The following PAG1 variants were observed in gnomAD, a reference collection of about 807,000 sequenced individuals.
The protein encoded by PAG1 is phosphoprotein associated with glycosphingolipid-enriched microdomains 1.
Under a neutral mutation model 31.7 loss-of-function variants are expected in PAG1, and 23 were observed. The observed-to-expected ratio is 0.73, with a 90% CI of 0.52 to 1.03. PAG1 has a LOEUF of 1.03. Ranked by LOEUF, PAG1 falls within the 50% of genes least tolerant of loss-of-function variation. PAG1 has a pLI of 0.00. For synonymous variants in PAG1, 214 were observed against 210.3 expected, an observed-to-expected ratio of 1.02 and a Z score of -0.15; for missense variants, 473 against 540.7, an observed-to-expected ratio of 0.87 and a Z score of 1.24.
At chr8:80,981,585 A>G (rs1807301426) in intron 7 of PAG1, among the ~76,000 whole-genome samples, 1 of 152,016 alleles carries the variant, frequency 6.6e-6, no homozygotes, top group Non-Finnish European at 1.5e-5. Context: ...ATCAGAAGAA[A>G]TTTGTATCAA....
At chr8:81,005,529 T>C (rs1197495887) in intron 3 of PAG1, among the ~76,000 whole-genome samples, 1 of 152,168 alleles carries the variant, frequency 6.6e-6, no homozygotes, top group African/African-American at 2.4e-5. Flanking sequence ...TTTCAAAGGC[T>C]GCTAATACCT....
At position 80,975,548 on chromosome 8, in the gene PAG1, T is replaced by C. The variant is rs1461846929; in HGVS notation, c.*996A>G. The C allele has an allele frequency of 6.6e-6, 1 of 152,230 alleles. No homozygotes were observed. The highest frequency in any genetic ancestry group is 2.4e-5 in the African/African-American group (1 of 41,456). 9.4% of individuals were successfully genotyped at this position (152,230 alleles called of 1,614,324 possible). A position where few individuals can be genotyped will look rare whatever the true frequency, so the allele number is the denominator to read the frequency against. On this transcript the variant is annotated 3_prime_UTR_variant, in exon 9 of 9. Transcript: ENST00000220597. The stretch of plus-strand genomic sequence containing the variant: ...TTAGGGTAGCAGTTAACTTATGAGA[T>C]GCCACACTGTTGGTGTGGGCAGCGG...
chr8:80,980,574 T>C (rs1807279550), intron 7 of PAG1, 80 bp from the exon 8 acceptor site: 1 of 903,442 alleles, frequency 1.1e-6, no homozygotes, highest in African/African-American at 1.6e-5. Context: ...TTCCTCATAA[T>C]CTGTCTAGCA....
chr8:80,983,430 T>A (rs970232901), intron 7 of PAG1, among the ~76,000 whole-genome samples: 5 of 152,206 alleles, frequency 3.3e-5, no homozygotes, highest in African/African-American at 1.2e-4. Context: ...GGGCAGGGAT[T>A]TTGTTCATGT....
intron 1 of PAG1, among the ~76,000 whole-genome samples, chr8:81,095,017 G>A (rs1809503427): frequency 6.6e-6 from 1 of 152,210 alleles, no homozygotes; most frequent in Non-Finnish European, 1.5e-5. Context: ...TAAAGTGAAA[G>A]TACAGTCTTT....
intron 1 of PAG1, among the ~76,000 whole-genome samples, chr8:81,093,789 A>G (rs891218815): frequency 2.0e-5 from 3 of 152,178 alleles, no homozygotes; most frequent in African/African-American, 7.2e-5. Flanking sequence ...GATGAAAATA[A>G]CCTCAGGAAG....
intron 2 of PAG1, among the ~76,000 whole-genome samples, chr8:81,044,756 T>C (rs1187939764): frequency 6.6e-6 from 1 of 152,162 alleles, no homozygotes; most frequent in Non-Finnish European, 1.5e-5. Flanking sequence ...TCTTATCTGC[T>C]CACATCCAAA....
chr8:81,042,319 A>G (rs1244482343), intron 2 of PAG1, among the ~76,000 whole-genome samples: 1 of 152,220 alleles, frequency 6.6e-6, no homozygotes, highest in Non-Finnish European at 1.5e-5. Flanking sequence ...GTGAGGCTCA[A>G]ACGAGATAAT....
chr8:80,979,284 G>C (rs556396562), intron 8 of PAG1, among the ~76,000 whole-genome samples: 1 of 152,322 alleles, frequency 6.6e-6, no homozygotes, highest in Admixed American at 6.5e-5. Context: ...TTTGGCTGCA[G>C]AGTAGAAAAC....
intron 2 of PAG1, among the ~76,000 whole-genome samples, chr8:81,067,212 G>A (rs1267906679): frequency 2.0e-5 from 3 of 152,090 alleles, no homozygotes; most frequent in Admixed American, 6.5e-5. Flanking sequence ...AATTCTCAGG[G>A]AAAAGTACCA....
At position 80,976,641 on chromosome 8, in the gene PAG1, G is replaced by C. The variant is rs1195534738; in HGVS notation, c.1202C>G (p.Thr401Ser). The C allele has an allele frequency of 4.3e-6, 7 of 1,614,130 alleles. No individual in the cohort carries two copies. The highest frequency in any genetic ancestry group is 1.7e-4 in the Middle Eastern group (1 of 6,054). ...ACCGTGGTGGCCATTGGTCCCCAGG[G>C]TGGCCTTTTCTTCCTCTCTGTTGAG... Reference protein sequence around the residue: ...QTLNREEEKATLGTNGHHGLV... With the variant: ...QTLNREEEKASLGTNGHHGLV... The change falls in exon 9 of 9, where the codon ACC becomes AGC. Residue 401 changes from threonine to serine, a missense_variant. Coordinates refer to ENST00000220597, the MANE Select transcript of PAG1 (RefSeq NM_018440.4).
Position 81,078,976 on chromosome 8 carries a change from C to CA in PAG1, c.-233-8807dup, listed in dbSNP as rs557196680. On this transcript the variant is annotated intron_variant, in intron 1 of 8. Transcript: ENST00000220597. ...ACTTCCTTATCTTCCATCTTGCCTGCAAATGCTAGAGTTTCACCTACAGTG... is the reference window on the plus strand; with the variant it reads ...ACTTCCTTATCTTCCATCTTGCCTGCAAAATGCTAGAGTTTCACCTACAGTG... Among the ~76,000 whole-genome samples the CA allele has an allele frequency of 1.7e-3, 252 of 152,282 alleles. 1 individual carries two copies. Among genetic ancestry groups the CA allele is most frequent in the African/African-American group, 5.9e-3 (245 of 41,562 alleles).
At chr8:80,999,939 G>C (rs1807754441) in intron 3 of PAG1, among the ~76,000 whole-genome samples, 1 of 152,150 alleles carries the variant, frequency 6.6e-6, no homozygotes, top group Non-Finnish European at 1.5e-5. Context: ...CAGAGTGCAA[G>C]GGCATGGTCT....
intron 1 of PAG1, among the ~76,000 whole-genome samples, chr8:81,110,184 C>A (rs1405309730): frequency 1.3e-5 from 2 of 152,128 alleles, no homozygotes; most frequent in Non-Finnish European, 2.9e-5. Context: ...TTAAAACATA[C>A]CCCTGAGCTT....
chr8:81,065,785 T>TTA (rs145622605), intron 2 of PAG1, among the ~76,000 whole-genome samples: 7 of 151,050 alleles, frequency 4.6e-5, no homozygotes, highest in South Asian at 2.1e-4. Flanking sequence ...ACTATGTATT[T>TTA]TATATATATA....
chr8:80,987,317 C>A, intron 6 of PAG1, 53 bp downstream of exon 6: 4 of 1,110,492 alleles, frequency 3.6e-6, no homozygotes, highest in Middle Eastern at 2.0e-4. Context: ...AAACCTAGGA[C>A]TTCCAGAGGT....
chr8:80,980,469 G>A lies in PAG1; in HGVS notation c.902C>T (p.Ser301Phe), dbSNP rs750117546. 24 of 1,607,026 alleles carry A rather than the reference G, an allele frequency of 1.5e-5. No homozygotes were observed. Among genetic ancestry groups the A allele is most frequent in the African/African-American group, 5.3e-5 (4 of 74,812 alleles). The change falls in exon 8 of 9, where the codon TCT becomes TTT. Residue 301 changes from serine (S) to phenylalanine (F), a missense_variant. Coordinates refer to ENST00000220597, the MANE Select transcript of PAG1 (RefSeq NM_018440.4). ...TGTGAGAGTGGGGTCTTCTTCCCGA[G>A]ACTTGTATGACAATGAGCTAAATCT... ...NKRFSSLSYK[S>F]REEDPTLTEE... is the part of the protein sequence containing the mutation.
chr8:80,989,396 C>T (rs994843894), intron 5 of PAG1, among the ~76,000 whole-genome samples: 1 of 152,144 alleles, frequency 6.6e-6, no homozygotes, highest in Non-Finnish European at 1.5e-5. Flanking sequence ...ACTACTATTC[C>T]TAATCTTTGC....
At position 80,973,392 on chromosome 8, in the gene PAG1, A is replaced by T. The variant is rs1281413131; in HGVS notation, c.*3152T>A. ...TAAAAACATTTGACAAATTAAAAAAATTTTGCATAAAACAGGTTACCCTTT... is the reference window on the plus strand; with the variant it reads ...TAAAAACATTTGACAAATTAAAAAATTTTTGCATAAAACAGGTTACCCTTT... On this transcript the variant is annotated 3_prime_UTR_variant, in exon 9 of 9. Coordinates refer to ENST00000220597, the MANE Select transcript of PAG1 (RefSeq NM_018440.4). The T allele has an allele frequency of 6.6e-6, 1 of 152,198 alleles. No homozygotes were observed. Among genetic ancestry groups the T allele is most frequent in the East Asian group, 1.9e-4 (1 of 5,204 alleles). The allele number at this position is 152,198 out of a possible 1,614,324, so 9.4% of individuals were successfully genotyped here.
Sources: gnomAD v4.1 joint callset for allele counts (sites outside exome capture counted in the v4.1 genomes callset) on GRCh38, gnomAD v4.1.1 for gene constraint, MANE v1.5 for transcripts, NCBI Gene and HGNC (gene_info 2026-07-23, HGNC 2026-07-21) for gene names.